Variants in MCOLN2 observed in about 807,000 individuals in gnomAD.
MCOLN2 encodes the protein mucolipin-2.
MCOLN2 carries 57 observed loss-of-function variants against 67.5 expected under a neutral mutation model. The ratio of observed to expected loss-of-function variants is 0.84; its 90% CI spans 0.68 to 1.05. The LOEUF is 1.05. Among genes scored for constraint, MCOLN2 ranks in the 50% least tolerant of loss-of-function variants. The pLI, the probability that MCOLN2 is intolerant of heterozygous loss-of-function variation, is 0.00. For missense variants in MCOLN2, 620 were observed against 678.8 expected, an observed-to-expected ratio of 0.91 and a Z score of 0.96; for synonymous variants, 246 against 233.3, an observed-to-expected ratio of 1.05 and a Z score of -0.50.
chr1:84,941,083 T>C, intron 7 of MCOLN2, 92 bp from the exon 8 acceptor site: 1 of 768,708 alleles, frequency 1.3e-6, no homozygotes, highest in Non-Finnish European at 2.1e-6. Flanking sequence ...GTTCAAACAA[T>C]AAATGTTTTG....
At chr1:84,951,074 C>T (rs1266370244) in intron 6 of MCOLN2, among the ~76,000 whole-genome samples, 2 of 152,192 alleles carry the variant, frequency 1.3e-5, no homozygotes, top group African/African-American at 4.8e-5. Context: ...TCCCAGTGCT[C>T]CTCTGGCCCA....
intron 6 of MCOLN2, among the ~76,000 whole-genome samples, chr1:84,948,066 C>G (rs1003379885): frequency 6.6e-6 from 1 of 152,222 alleles, no homozygotes; most frequent in Non-Finnish European, 1.5e-5. Context: ...GGCCTGACAG[C>G]CAGTTCAGCT....
At chr1:84,945,996 G>A (rs1338431109) in intron 7 of MCOLN2, among the ~76,000 whole-genome samples, 1 of 152,106 alleles carries the variant, frequency 6.6e-6, no homozygotes, top group East Asian at 1.9e-4. Context: ...TGATCCACCC[G>A]CGTAGGCCTC....
rs1351502390 is a variant in MCOLN2 at position 84,929,657 on chromosome 1, G to A, written c.1565C>T (p.Pro522Leu). ...CAGGAATTCCTGCAAATCCGTTTCA[G>A]GAAACCCATTCTGTTGGAATTTCTT... is the stretch of plus-strand genomic sequence containing the variant. ...TIKKFQQNGF[P>L]ETDLQEFLKE... Residue 522 changes from proline (P) to leucine (L), a missense_variant, in exon 13 of 14, where the codon CCT (proline) becomes CTT (leucine). Transcript: ENST00000370608. 2 of 1,613,444 alleles carry A rather than the reference G, an allele frequency of 1.2e-6. No individual in the cohort carries two copies. The highest frequency in any genetic ancestry group is 1.7e-5 in the Admixed American group (1 of 59,974).
intron 9 of MCOLN2, among the ~76,000 whole-genome samples, chr1:84,938,460 G>T (rs1188604408): frequency 6.6e-6 from 1 of 152,202 alleles, no homozygotes; most frequent in East Asian, 1.9e-4. Context: ...CAATTCAGCT[G>T]CTTTTGAAAG....
intron 4 of MCOLN2, among the ~76,000 whole-genome samples, chr1:84,953,826 C>T (rs1015933867): frequency 2.0e-5 from 3 of 152,178 alleles, no homozygotes; most frequent in African/African-American, 4.8e-5. Flanking sequence ...GCTCTAAAGA[C>T]AAGCACCTTT....
chr1:84,930,555 G>C (rs1363262665), intron 12 of MCOLN2, among the ~76,000 whole-genome samples: 1 of 152,146 alleles, frequency 6.6e-6, no homozygotes, highest in Non-Finnish European at 1.5e-5. Context: ...TGTGGCAGGA[G>C]TGTGCACCTC....
At chr1:84,939,087 G>A (rs1298056278) in intron 9 of MCOLN2, among the ~76,000 whole-genome samples, 2 of 152,136 alleles carry the variant, frequency 1.3e-5, no homozygotes, top group Non-Finnish European at 2.9e-5. Flanking sequence ...CGGGAGAATA[G>A]TGCGGTGAAG....
chr1:84,983,202 C>T (rs986145670), intron 1 of MCOLN2, among the ~76,000 whole-genome samples: 3 of 152,154 alleles, frequency 2.0e-5, no homozygotes, highest in African/African-American at 7.2e-5. Context: ...AATCTGGTCT[C>T]ACCTAACTCC....
chr1:84,950,527 G>A (rs1383877330), intron 6 of MCOLN2, among the ~76,000 whole-genome samples: 1 of 152,152 alleles, frequency 6.6e-6, no homozygotes, highest in Non-Finnish European at 1.5e-5. Flanking sequence ...AACAAAGATT[G>A]CTCCAAGACT....
intron 4 of MCOLN2, among the ~76,000 whole-genome samples, chr1:84,956,164 C>A (rs201545250): frequency 1.4e-5 from 2 of 138,660 alleles, no homozygotes; most frequent in South Asian, 2.3e-4. Context: ...GAAAAAAAAA[C>A]AAAAAACAGG....
At chr1:84,986,713 G>A (rs1228891001) in intron 1 of MCOLN2, among the ~76,000 whole-genome samples, 3 of 151,664 alleles carry the variant, frequency 2.0e-5, no homozygotes, top group African/African-American at 4.9e-5. Context: ...ATCAAAACGT[G>A]GGCTAAAGAC....
intron 1 of MCOLN2, among the ~76,000 whole-genome samples, chr1:84,965,912 G>C (rs1649355621): frequency 6.6e-6 from 1 of 152,090 alleles, no homozygotes; most frequent in Admixed American, 6.6e-5. Context: ...AATTATTCCA[G>C]ACCTTCTACC....
rs55925234 is a variant in MCOLN2, at chr1:84,932,029, A to AACACACAC, written c.1336-469_1336-462dup. Among the ~76,000 whole-genome samples the AACACACAC allele has an allele frequency of 1.8e-3, 262 of 148,624 alleles. 1 individual carries two copies. Among genetic ancestry groups the AACACACAC allele is most frequent in the African/African-American group, 6.3e-3 (256 of 40,578 alleles). On this transcript the variant is annotated intron_variant, in intron 11 of 13. Coordinates refer to ENST00000370608, the MANE Select transcript of MCOLN2 (RefSeq NM_153259.4). ...ACACAGCGAGACCCTGTCTCTTTAA[A>AACACACAC]ACACACACACACACACACACACACC...
intron 11 of MCOLN2, among the ~76,000 whole-genome samples, chr1:84,933,922 C>T (rs1216601514): frequency 1.3e-5 from 2 of 152,102 alleles, no homozygotes; most frequent in Non-Finnish European, 2.9e-5. Flanking sequence ...AAACAGAGAC[C>T]CAGTCAATTT....
intron 13 of MCOLN2, 26 bp downstream of exon 13, chr1:84,929,532 G>T: frequency 6.3e-7 from 1 of 1,590,360 alleles, no homozygotes; most frequent in South Asian, 1.1e-5. Context: ...CATCTCAGGA[G>T]CATGGAGAAT....
At chr1:84,986,116 T>C (rs1650493556) in intron 1 of MCOLN2, among the ~76,000 whole-genome samples, 1 of 152,046 alleles carries the variant, frequency 6.6e-6, no homozygotes, top group Non-Finnish European at 1.5e-5. Context: ...TGGAACAGAA[T>C]AGAGAACCCA....
intron 1 of MCOLN2, among the ~76,000 whole-genome samples, chr1:84,973,358 G>C (rs1324435243): frequency 2.6e-5 from 4 of 152,144 alleles, no homozygotes; most frequent in Non-Finnish European, 4.4e-5. Flanking sequence ...GATGCCTATA[G>C]TCCCAGCTAC....
intron 4 of MCOLN2, among the ~76,000 whole-genome samples, chr1:84,954,288 G>C (rs760681465): frequency 5.9e-5 from 9 of 152,204 alleles, no homozygotes; most frequent in Non-Finnish European, 1.3e-4. Context: ...GTGTCTCCCT[G>C]TGTTTGGCAG....
Sources: allele counts gnomAD v4.1 joint callset (sites outside exome capture counted in the v4.1 genomes callset), GRCh38; gene constraint gnomAD v4.1.1; transcripts MANE v1.5; gene names NCBI Gene and HGNC (gene_info 2026-07-23, HGNC 2026-07-21).